Variants in CFAP46 observed in about 807,000 individuals in gnomAD.
The protein encoded by CFAP46 is cilia- and flagella-associated protein 46.
In CFAP46, 245 loss-of-function variants were observed where a neutral mutation model predicts 325.7. The ratio of observed to expected loss-of-function variants is 0.75; its 90% CI spans 0.68 to 0.84. The LOEUF is 0.84. Among genes scored for constraint, CFAP46 ranks in the 40% least tolerant of loss-of-function variants. The pLI is 0.00. For synonymous variants in CFAP46, 1,523 were observed against 1,495.9 expected, an observed-to-expected ratio of 1.02 and a Z score of -0.42; for missense variants, 3,346 against 3,543.0, an observed-to-expected ratio of 0.94 and a Z score of 1.41.
chr10:132,808,549 C>A lies in CFAP46; in HGVS notation c.8020G>T (p.Gly2674Cys). Residue 2674 changes from glycine (G) to cysteine (C), a missense_variant, in exon 58 of 58, where the codon GGT becomes TGT. Gly to Cys is a radical substitution (Grantham distance 159). Transcript: ENST00000368586. This position sits in a 1 kb window ranked among gnomAD's most constrained non-coding sequence, Gnocchi z 6.8. ...SSSACLCAPWGLRRGWSCVSS... is the reference protein window; with the variant it reads ...SSSACLCAPWCLRRGWSCVSS... ...ACGCAGCTCCAGCCCCGACGCAGAC[C>A]CCATGGCGCACACAGGCAGGCAGAG... 1.2e-6 allele frequency: 2 copies of A among 1,613,012 alleles called. No individual in the cohort carries two copies. Among genetic ancestry groups the A allele is most frequent in the Non-Finnish European group, 1.7e-6 (2 of 1,179,952 alleles).
rs1181257095 is a variant in CFAP46, at chr10:132,860,965, A to C, written c.4908T>G (p.Cys1636Trp). 6.4e-7 allele frequency: 1 copy of C among 1,550,668 alleles called. No homozygotes were observed. Among genetic ancestry groups the C allele is most frequent in the Admixed American group, 2.0e-5 (1 of 51,018 alleles). ...GGAGGAGCAGGCACTGGGCCTCTGC[A>C]CAAGGCTCATCCAGCTCCTGAAGGA... ...YLAFQELDEP[C>W]AEAQCLLLLA... The change falls in exon 36 of 58, where the codon TGT becomes TGG. Residue 1636 changes from cysteine (C) to tryptophan (W), a missense_variant. Coordinates refer to ENST00000368586, the MANE Select transcript of CFAP46 (RefSeq NM_001200049.3).
chr10:132,808,562 C>T lies in CFAP46; in HGVS notation c.8007G>A (p.Leu2669=), dbSNP rs1228680674. The part of the protein sequence containing the change: ...AAAWTSSSAC[L]CAPWGLRRGW... Reference sequence around the variant, plus strand: ...CCCGACGCAGACCCCATGGCGCACACAGGCAGGCAGAGCTCGAGGTCCAGG... The same window carrying T: ...CCCGACGCAGACCCCATGGCGCACATAGGCAGGCAGAGCTCGAGGTCCAGG... The change falls in exon 58 of 58, where the codon CTG becomes CTA. Residue 2669 remains leucine, a synonymous_variant. Transcript: ENST00000368586. The surrounding 1 kb of genome is among the most constrained non-coding windows in gnomAD (Gnocchi z 6.8). 1.2e-6 allele frequency: 2 copies of T among 1,612,930 alleles called. No homozygotes were observed. The highest frequency in any genetic ancestry group is 8.5e-7 in the Non-Finnish European group (1 of 1,179,902).
Position 132,886,011 on chromosome 10 carries a change from G to A in CFAP46, c.3305-52C>T, listed in dbSNP as rs1728454784. The stretch of plus-strand genomic sequence containing the variant: ...TGGAGCCGCCTGATCCCTCATCAAA[G>A]GCGCCCTCGGACCTCCCAGACTAAG... On this transcript the variant is annotated intron_variant, in intron 25 of 57. Transcript: ENST00000368586. The surrounding 1 kb of genome is among the most constrained non-coding windows in gnomAD (Gnocchi z 5.8). 1 of 1,537,494 alleles carries A rather than the reference G, an allele frequency of 6.5e-7. No individual in the cohort carries two copies. Among genetic ancestry groups the A allele is most frequent in the African/African-American group, 1.4e-5 (1 of 72,836 alleles).
intron 39 of CFAP46, among the ~76,000 whole-genome samples, chr10:132,851,660 G>C (rs78382849): frequency 6.6e-6 from 1 of 152,206 alleles, no homozygotes; most frequent in African/African-American, 2.4e-5. Context: ...TAAAGTCACC[G>C]TGAGACTCCC....
At chr10:132,871,457 C>G (rs1260788025) in intron 32 of CFAP46, among the ~76,000 whole-genome samples, 1 of 152,222 alleles carries the variant, frequency 6.6e-6, no homozygotes, top group Non-Finnish European at 1.5e-5. Flanking sequence ...GGAAAGGATT[C>G]ACCATTCTAG....
chr10:132,825,113 GAT>G (rs1848018898), intron 50 of CFAP46, among the ~76,000 whole-genome samples: 2 of 146,832 alleles, frequency 1.4e-5, no homozygotes, highest in African/African-American at 5.1e-5. Flanking sequence ...GATGTGTGCT[GAT>G]GTGTGCACTG....
intron 8 of CFAP46, 148 bp from the exon 9 acceptor site, chr10:132,929,952 GC>G (rs1421753112): frequency 1.5e-6 from 1 of 647,004 alleles, no homozygotes; most frequent in Non-Finnish European, 2.6e-6. Context: ...TAGAACAGAA[GC>G]CCTGTGGGGA....
chr10:132,828,977 A>G lies in CFAP46; in HGVS notation c.7117+4381T>C, dbSNP rs115996871. Among the ~76,000 whole-genome samples the G allele has an allele frequency of 0.02, 3,022 of 151,216 alleles. 34 individuals are homozygous for G. The highest frequency in any genetic ancestry group is 0.046 in the South Asian group (221 of 4,798). ...GCTCCACTGTATCAATACTGCACCC[A>G]TGTGACGGGGTCCTGACATCAGGTG... On this transcript the variant is annotated intron_variant, in intron 50 of 57. Transcript: ENST00000368586. The surrounding 1 kb of genome is among the most constrained non-coding windows in gnomAD (Gnocchi z 4.9).
intron 4 of CFAP46, among the ~76,000 whole-genome samples, chr10:132,940,537 G>A (rs1349073695): frequency 6.6e-6 from 1 of 152,188 alleles, no homozygotes; most frequent in East Asian, 1.9e-4. Context: ...GAAGGAGAAG[G>A]CGCCCTGGGG....
rs780701690 is a variant in CFAP46, at chr10:132,810,911, C to G, written c.7583+39G>C. On this transcript the variant is annotated intron_variant, in intron 56 of 57. Coordinates refer to ENST00000368586, the MANE Select transcript of CFAP46 (RefSeq NM_001200049.3). ...CGCCCGTCTGTCTGACCTCTCCATC[C>G]TCAGCATCCCTGCCCACCCGTTCCA... is the stretch of plus-strand genomic sequence containing the variant. 2.6e-6 allele frequency: 4 copies of G among 1,546,650 alleles called. No individual in the cohort carries two copies. The South Asian group carries it at 4.7e-5, about 18-fold the overall frequency.
chr10:132,922,432 A>C, intron 12 of CFAP46, 48 bp downstream of exon 12: 1 of 1,499,760 alleles, frequency 6.7e-7, no homozygotes, highest in African/African-American at 1.4e-5. Context: ...CCCCGGCCCC[A>C]TGCTGGGGCT....
At chr10:132,864,226 TC>T (rs988726506) in intron 35 of CFAP46, among the ~76,000 whole-genome samples, 1 of 100,524 alleles carries the variant, frequency 9.9e-6, no homozygotes, top group Non-Finnish European at 1.9e-5. Flanking sequence ...CACACACCTG[TC>T]CCCCTGACAC....
At chr10:132,862,801 T>C (rs1272906082) in intron 35 of CFAP46, among the ~76,000 whole-genome samples, 1 of 57,734 alleles carries the variant, frequency 1.7e-5, no homozygotes, top group Non-Finnish European at 3.3e-5. Context: ...CAGGAGAGGC[T>C]GGAGGGGGAC....
chr10:132,821,767 G>C (rs1417805427), intron 50 of CFAP46, among the ~76,000 whole-genome samples: 3 of 139,688 alleles, frequency 2.1e-5, no homozygotes, highest in Non-Finnish European at 4.6e-5. Context: ...TGTGTGTGCT[G>C]TGTGCTGTGT....
chr10:132,901,538 G>A (rs114785501), intron 22 of CFAP46, among the ~76,000 whole-genome samples: 70 of 152,266 alleles, frequency 4.6e-4, no homozygotes, highest in African/African-American at 1.6e-3. Context: ...CGTGTGGCAC[G>A]AGGGCCCTCG....
chr10:132,837,906 C>T (rs1428475792), intron 44 of CFAP46, among the ~76,000 whole-genome samples: 1 of 151,950 alleles, frequency 6.6e-6, no homozygotes, highest in Non-Finnish European at 1.5e-5. Context: ...CAGATGAACA[C>T]ATACACGGAC....
chr10:132,896,257 C>A (rs768259943), intron 24 of CFAP46, among the ~76,000 whole-genome samples: 26 of 150,634 alleles, frequency 1.7e-4, no homozygotes, highest in Non-Finnish European at 3.1e-4. Context: ...GCTGTGTGTG[C>A]CACATGAAGA....
rs1217094279 is a variant in CFAP46 at position 132,877,817 on chromosome 10, C to G, written c.4212+64G>C. The G allele has an allele frequency of 6.6e-7, 1 of 1,522,236 alleles. No individual in the cohort carries two copies. Among genetic ancestry groups the G allele is most frequent in the Non-Finnish European group, 8.9e-7 (1 of 1,127,076 alleles). The allele number at this position is 1,522,236 out of a possible 1,614,324, so 94.3% of individuals were successfully genotyped here. On this transcript the variant is annotated intron_variant, in intron 30 of 57. Transcript: ENST00000368586. This position sits in a 1 kb window ranked among gnomAD's most constrained non-coding sequence, Gnocchi z 5.7. ...GGGCTCCTCCGAGAACCCTGACAGGCAGGGAAACTGAGGCACAGGCCATCC... is the reference window on the plus strand; with the variant it reads ...GGGCTCCTCCGAGAACCCTGACAGGGAGGGAAACTGAGGCACAGGCCATCC...
intron 31 of CFAP46, 40 bp from the exon 32 acceptor site, chr10:132,872,864 G>A (rs140910427): frequency 0.012 from 18,961 of 1,549,308 alleles, 248 homozygotes; most frequent in Middle Eastern, 0.058. Context: ...TCACAGGAGC[G>A]GGTGTAGACC....
Sources: gnomAD v4.1 joint callset for allele counts (sites outside exome capture counted in the v4.1 genomes callset) on GRCh38, gnomAD v4.1.1 for gene constraint, Gnocchi (gnomAD v3.1) non-coding constraint, MANE v1.5 for transcripts, NCBI Gene and HGNC (gene_info 2026-07-23, HGNC 2026-07-21) for gene names.